The following NFIB variants were observed in gnomAD, a reference collection of about 807,000 sequenced individuals.
NFIB encodes nuclear factor 1 B-type.
Under a neutral mutation model 61.5 loss-of-function variants are expected in NFIB, and 11 were observed. The ratio of observed to expected loss-of-function variants is 0.18; its 90% CI spans 0.11 to 0.30. The LOEUF (loss-of-function observed/expected upper bound fraction) is 0.30, where lower values mean the gene tolerates loss of function less well. Among genes scored for constraint, NFIB ranks in the 10% least tolerant of loss-of-function variants. The probability of loss-of-function intolerance (pLI) is 1.00; values close to 1 mark genes in which losing one functional copy is unlikely to be tolerated. For missense variants in NFIB, 471 were observed against 608.9 expected, an observed-to-expected ratio of 0.77 and a Z score of 2.38; for synonymous variants, 260 against 216.5, an observed-to-expected ratio of 1.20 and a Z score of -1.76.
At chr9:14,499,701 A>C in the NFIB span, among the ~76,000 whole-genome samples, 2 of 152,154 alleles carry the variant, frequency 1.3e-5, no homozygotes. Context: ...CAGAAGTGGG[A>C]CCTGAGCCTC....
intron 2 of NFIB, among the ~76,000 whole-genome samples, chr9:14,230,735 G>A (rs1334966630): frequency 6.6e-6 from 1 of 152,164 alleles, no homozygotes; most frequent in African/African-American, 2.4e-5. Context: ...AGAGGAAGCA[G>A]GTTGTACAGA....
At chr9:14,292,929 T>C (rs2059196641) in intron 2 of NFIB, among the ~76,000 whole-genome samples, 1 of 152,192 alleles carries the variant, frequency 6.6e-6, no homozygotes, top group African/African-American at 2.4e-5. Flanking sequence ...AAAAAAATTA[T>C]CGTCATCCCC....
intron 1 of NFIB, among the ~76,000 whole-genome samples, chr9:14,329,402 A>T (rs2060794209): frequency 6.6e-6 from 1 of 152,116 alleles, no homozygotes; most frequent in African/African-American, 2.4e-5. Context: ...ATAGCCACTC[A>T]TCACCTTTTA....
At chr9:14,327,130 C>G (rs895055409) in intron 1 of NFIB, among the ~76,000 whole-genome samples, 11 of 152,006 alleles carry the variant, frequency 7.2e-5, no homozygotes, top group African/African-American at 2.7e-4. Flanking sequence ...TTTCAAAAAA[C>G]AGAGGCATCT....
intron 1 of NFIB, among the ~76,000 whole-genome samples, chr9:14,342,864 G>T (rs2060968814): frequency 6.6e-6 from 1 of 151,978 alleles, no homozygotes; most frequent in Admixed American, 6.5e-5. Flanking sequence ...AAACAATGAG[G>T]GTACATTTCC....
intron 6 of NFIB, among the ~76,000 whole-genome samples, chr9:14,130,159 A>C (rs1443580465): frequency 6.6e-6 from 1 of 152,076 alleles, no homozygotes; most frequent in Non-Finnish European, 1.5e-5. Flanking sequence ...CTTCCTCTCC[A>C]TGGCACTTTA....
At chr9:14,141,141 A>G (rs751786381) in intron 6 of NFIB, among the ~76,000 whole-genome samples, 64 of 152,198 alleles carry the variant, frequency 4.2e-4, no homozygotes, top group Non-Finnish European at 5.7e-4. Flanking sequence ...ATTTAGCACA[A>G]CAGTTAAGAC....
chr9:14,501,995 T>G, the NFIB span, among the ~76,000 whole-genome samples: 41 of 152,140 alleles, frequency 2.7e-4, 1 homozygote, highest in Admixed American at 2.4e-3. Context: ...GGAGAGAAGA[T>G]TTGAATTGGA....
At chr9:14,222,579 G>A (rs2131843807) in intron 2 of NFIB, among the ~76,000 whole-genome samples, 1 of 152,098 alleles carries the variant, frequency 6.6e-6, no homozygotes, top group South Asian at 2.1e-4. Flanking sequence ...AAAATGGGAG[G>A]CTCAGTTGAG....
chr9:14,265,308 A>G (rs562798236), intron 2 of NFIB, among the ~76,000 whole-genome samples: 2 of 152,294 alleles, frequency 1.3e-5, no homozygotes, highest in South Asian at 4.1e-4. Context: ...CCCAACCCCA[A>G]TGTAGGCAGA....
At chr9:14,441,984 C>T in the NFIB span, among the ~76,000 whole-genome samples, 4 of 152,148 alleles carry the variant, frequency 2.6e-5, no homozygotes, top group Admixed American at 1.3e-4. Context: ...CATAGTAATA[C>T]GGCAGGCACT....
intron 2 of NFIB, among the ~76,000 whole-genome samples, chr9:14,289,003 T>TA (rs2132513939): frequency 6.6e-6 from 1 of 151,528 alleles, no homozygotes; most frequent in South Asian, 2.1e-4. Context: ...ATTAAACACA[T>TA]ACCAAAATAA....
At chr9:14,379,775 C>T (rs1027728057) in intron 1 of NFIB, among the ~76,000 whole-genome samples, 7 of 152,058 alleles carry the variant, frequency 4.6e-5, no homozygotes, top group Admixed American at 3.3e-4. Context: ...CTCCGCCTCC[C>T]GGGTTCAAGC....
At chr9:14,342,197 CTAGATAAGGGGG>C (rs2060960088) in intron 1 of NFIB, among the ~76,000 whole-genome samples, 1 of 152,114 alleles carries the variant, frequency 6.6e-6, no homozygotes, top group South Asian at 2.1e-4. Context: ...AATAAAGAAC[CTAGATAAGGGGG>C]TAGAATAATG....
At chr9:14,253,025 A>G (rs1247751651) in intron 2 of NFIB, among the ~76,000 whole-genome samples, 1 of 152,186 alleles carries the variant, frequency 6.6e-6, no homozygotes, top group Non-Finnish European at 1.5e-5. Context: ...AAAAGACCAA[A>G]AACAATTATT....
the NFIB span, among the ~76,000 whole-genome samples, chr9:14,512,203 C>T: frequency 2.6e-4 from 39 of 152,252 alleles, no homozygotes; most frequent in African/African-American, 3.4e-4. Flanking sequence ...AGGGTTCCAA[C>T]GTCTACAAAG....
At chr9:14,169,507 A>G (rs998148864) in intron 3 of NFIB, among the ~76,000 whole-genome samples, 1 of 152,148 alleles carries the variant, frequency 6.6e-6, no homozygotes, top group African/African-American at 2.4e-5. Context: ...TCTATGATCA[A>G]TGACATTATC....
chr9:14,141,902 CA>C (rs1207435536), intron 6 of NFIB, among the ~76,000 whole-genome samples: 879 of 53,596 alleles, frequency 0.016, 3 homozygotes, highest in African/African-American at 0.043. Flanking sequence ...CTGCTGCTCA[CA>C]AAAAAAAAAA....
chr9:14,244,433 A>G (rs1256611483), intron 2 of NFIB, among the ~76,000 whole-genome samples: 2 of 152,216 alleles, frequency 1.3e-5, no homozygotes, highest in African/African-American at 4.8e-5. Flanking sequence ...TTCAAAATGA[A>G]TGAAACTTAC....
Sources: gnomAD v4.1 joint callset for allele counts (sites outside exome capture counted in the v4.1 genomes callset) on GRCh38, gnomAD v4.1.1 for gene constraint, MANE v1.5 for transcripts, NCBI Gene and HGNC (gene_info 2026-07-23, HGNC 2026-07-21) for gene names.